Variants in ERC2 observed in about 807,000 individuals in gnomAD.
ERC2 encodes ELKS/RAB6-interacting/CAST family member 2.
ERC2 carries 42 observed loss-of-function variants against 114.8 expected under a neutral mutation model. The ratio of observed to expected loss-of-function variants is 0.37; its 90% CI spans 0.29 to 0.47. ERC2 has a LOEUF of 0.47. Among genes scored for constraint, ERC2 ranks in the 20% least tolerant of loss-of-function variants. The pLI is 0.99. For missense variants in ERC2, 939 were observed against 1,150.7 expected, an observed-to-expected ratio of 0.82 and a Z score of 2.66; for synonymous variants, 454 against 425.5, an observed-to-expected ratio of 1.07 and a Z score of -0.82.
Position 55,562,859 on chromosome 3 carries a change from T to G in ERC2, c.*40-51583A>C, listed in dbSNP as rs2056118246. 2.6e-5 allele frequency among the ~76,000 whole-genome samples: 4 copies of G among 152,258 alleles called. No individual in the cohort carries two copies. In the South Asian group the frequency reaches 6.2e-4, roughly 24 times the overall value. ...AAAAAGATCATGATATGATAGCAAATGAATGTTGGCAAATTGCCAACTGAC... is the reference window on the plus strand; with the variant it reads ...AAAAAGATCATGATATGATAGCAAAGGAATGTTGGCAAATTGCCAACTGAC... On this transcript the variant is annotated intron_variant, in intron 17 of 17. Coordinates refer to ENST00000288221, the MANE Select transcript of ERC2 (RefSeq NM_015576.3).
intron 2 of ERC2, among the ~76,000 whole-genome samples, chr3:56,372,757 T>A (rs2059403030): frequency 6.6e-6 from 1 of 151,590 alleles, no homozygotes; most frequent in African/African-American, 2.4e-5. Flanking sequence ...AAAAGAAAAT[T>A]AGAGCAAGGT....
At chr3:56,272,631 G>A (rs989868497) in intron 3 of ERC2, among the ~76,000 whole-genome samples, 5 of 152,170 alleles carry the variant, frequency 3.3e-5, no homozygotes, top group South Asian at 2.1e-4. Flanking sequence ...TTAGCCAGGC[G>A]GGGTAGTGCA....
Position 56,386,197 on chromosome 3 carries a change from T to A in ERC2, c.657+48154A>T, listed in dbSNP as rs1391544818. Reference sequence around the variant, plus strand: ...TGTACCTACACTGCAAAGCCACAGATCACTTGGTAGGACAAAGTCAAGAAA... The same window carrying A: ...TGTACCTACACTGCAAAGCCACAGAACACTTGGTAGGACAAAGTCAAGAAA... On this transcript the variant is annotated intron_variant, in intron 2 of 17. Transcript: ENST00000288221. Among the ~76,000 whole-genome samples the A allele has an allele frequency of 3.3e-5, 5 of 152,182 alleles. No individual in the cohort carries two copies. In the East Asian group the frequency reaches 9.7e-4, roughly 29 times the overall value.
chr3:56,220,526 G>A (rs923694203), intron 3 of ERC2, among the ~76,000 whole-genome samples: 2 of 152,156 alleles, frequency 1.3e-5, no homozygotes, highest in Non-Finnish European at 2.9e-5. Context: ...TCTCTCAGTC[G>A]ACTCACGGCC....
chr3:56,071,837 A>G (rs556542981), intron 7 of ERC2, among the ~76,000 whole-genome samples: 3 of 152,236 alleles, frequency 2.0e-5, no homozygotes, highest in Non-Finnish European at 4.4e-5. Flanking sequence ...TGGAAGCCAC[A>G]ATCTCTATCC....
At chr3:56,332,870 T>A (rs766253691) in intron 2 of ERC2, among the ~76,000 whole-genome samples, 2 of 152,114 alleles carry the variant, frequency 1.3e-5, no homozygotes, top group Non-Finnish European at 2.9e-5. Context: ...GAGAGACACT[T>A]TTCAATGGGG....
chr3:56,239,359 A>G (rs2051172593), intron 3 of ERC2, among the ~76,000 whole-genome samples: 1 of 152,134 alleles, frequency 6.6e-6, no homozygotes, highest in Non-Finnish European at 1.5e-5. Flanking sequence ...ACAAAAAATT[A>G]GCCAGGCATG....
intron 17 of ERC2, among the ~76,000 whole-genome samples, chr3:55,607,618 T>TG (rs1402784646): frequency 1.1e-4 from 14 of 128,986 alleles, no homozygotes; most frequent in East Asian, 2.0e-4. Context: ...TAGTGTGTTT[T>TG]TTTTTTTTTT....
intron 3 of ERC2, among the ~76,000 whole-genome samples, chr3:56,177,314 GC>G (rs2083031446): frequency 6.6e-6 from 1 of 152,146 alleles, no homozygotes. Flanking sequence ...GTTGCTGGAG[GC>G]TCCAACTGCC....
chr3:56,170,691 G>A lies in ERC2; in HGVS notation c.1149+2755C>T, dbSNP rs1249921482. On this transcript the variant is annotated intron_variant, in intron 4 of 17. Transcript: ENST00000288221. ...GGCTCACTGCAACCTCCACGCCCAGGGTTCAAGTGATTCTCCTGCCTCTGC... is the reference window on the plus strand; with the variant it reads ...GGCTCACTGCAACCTCCACGCCCAGAGTTCAAGTGATTCTCCTGCCTCTGC... Among the ~76,000 whole-genome samples the A allele has an allele frequency of 2.0e-5, 3 of 147,704 alleles. No individual in the cohort carries two copies. The Admixed American group carries it at 2.1e-4, about 10-fold the overall frequency.
chr3:55,649,277 T>TG (rs2060515999), intron 17 of ERC2, among the ~76,000 whole-genome samples: 1 of 148,414 alleles, frequency 6.7e-6, no homozygotes, highest in East Asian at 2.0e-4. Context: ...TTTTTTTTTT[T>TG]TGAGAGAGAG....
intron 2 of ERC2, among the ~76,000 whole-genome samples, chr3:56,352,045 C>A (rs1016167000): frequency 6.6e-6 from 1 of 152,114 alleles, no homozygotes; most frequent in Non-Finnish European, 1.5e-5. Flanking sequence ...GAGAGATTAC[C>A]AGGGACAGGG....
intron 6 of ERC2, 123 bp from the exon 7 acceptor site, chr3:56,081,107 T>C (rs2077207590): frequency 2.1e-6 from 2 of 971,132 alleles, no homozygotes; most frequent in Admixed American, 5.5e-5. Context: ...ATGGAACCAC[T>C]GCTCATGGCA....
At chr3:55,888,981 T>G (rs1425523242) in intron 13 of ERC2, among the ~76,000 whole-genome samples, 1 of 152,188 alleles carries the variant, frequency 6.6e-6, no homozygotes, top group African/African-American at 2.4e-5. Flanking sequence ...TGTCCAAATT[T>G]CTCCAAGGTC....
chr3:56,196,487 T>G (rs2048111437), intron 3 of ERC2, among the ~76,000 whole-genome samples: 1 of 148,886 alleles, frequency 6.7e-6, no homozygotes, highest in Non-Finnish European at 1.5e-5. Context: ...ATGACTTTCT[T>G]GCCTTCTTTT....
intron 17 of ERC2, among the ~76,000 whole-genome samples, chr3:55,611,252 A>G (rs1393635296): frequency 6.6e-6 from 1 of 152,220 alleles, no homozygotes; most frequent in Non-Finnish European, 1.5e-5. Context: ...AATTTATTGA[A>G]CTAATTTAAG....
At chr3:56,091,751 C>T (rs2077804512) in intron 6 of ERC2, among the ~76,000 whole-genome samples, 1 of 152,178 alleles carries the variant, frequency 6.6e-6, no homozygotes, top group Non-Finnish European at 1.5e-5. Context: ...TATAAGGTCT[C>T]TTCCTCTCAT....
chr3:55,831,001 T>C, intron 14 of ERC2, among the ~76,000 whole-genome samples: 1 of 151,642 alleles, frequency 6.6e-6, no homozygotes, highest in Non-Finnish European at 1.5e-5. Context: ...TAAATTAAAA[T>C]AGAATATTAA....
intron 6 of ERC2, among the ~76,000 whole-genome samples, chr3:56,081,537 G>GAA (rs72412272): frequency 0.18 from 27,056 of 151,688 alleles, 2,551 homozygotes; most frequent in African/African-American, 0.23. Flanking sequence ...CCAGCCTCAT[G>GAA]AGACTGCTTT....
Sources: gnomAD v4.1 joint callset for allele counts (sites outside exome capture counted in the v4.1 genomes callset) on GRCh38, gnomAD v4.1.1 for gene constraint, MANE v1.5 for transcripts, NCBI Gene and HGNC (gene_info 2026-07-23, HGNC 2026-07-21) for gene names.